Variants in TOX2 observed in about 807,000 individuals in gnomAD.
TOX2 encodes TOX high mobility group box family member 2, also known as granulosa cell HMG box 1.
Under a neutral mutation model 47.4 loss-of-function variants are expected in TOX2, and 15 were observed. The ratio of observed to expected loss-of-function variants is 0.32; its 90% CI spans 0.21 to 0.49. The LOEUF (loss-of-function observed/expected upper bound fraction) is 0.49, where lower values mean the gene tolerates loss of function less well. Among genes scored for constraint, TOX2 ranks in the 20% least tolerant of loss-of-function variants. TOX2 has a pLI of 0.99. For synonymous variants in TOX2, 290 were observed against 296.6 expected (o/e 0.98, Z 0.23); for missense variants, 622 against 673.1 (o/e 0.92, Z 0.84).
At chr20:44,033,560 T>C (rs943404388) in intron 3 of TOX2, among the ~76,000 whole-genome samples, 9 of 151,956 alleles carry the variant, frequency 5.9e-5, no homozygotes, top group African/African-American at 2.2e-4. Context: ...CAGAAGTACT[T>C]ACAAGAGGGA....
chr20:43,947,360 C>T (rs141002361), intron 1 of TOX2, among the ~76,000 whole-genome samples: 69 of 152,322 alleles, frequency 4.5e-4, no homozygotes, highest in South Asian at 2.7e-3. Flanking sequence ...CACACATGCA[C>T]GTGTGCACAC....
intron 5 of TOX2, among the ~76,000 whole-genome samples, chr20:44,062,391 T>C (rs1291033443): frequency 6.7e-6 from 1 of 148,374 alleles, no homozygotes; most frequent in African/African-American, 2.5e-5. Flanking sequence ...AATAAATAAA[T>C]AAATAAATAA....
intron 3 of TOX2, among the ~76,000 whole-genome samples, chr20:44,016,633 G>T (rs951365878): frequency 1.3e-5 from 2 of 152,086 alleles, no homozygotes; most frequent in Non-Finnish European, 2.9e-5. Flanking sequence ...AACGAAAAAT[G>T]TCTCTAGACC....
Position 44,022,642 on chromosome 20 carries a change from G to A in TOX2, c.411+15850G>A, listed in dbSNP as rs116291486. Among the ~76,000 whole-genome samples the A allele has an allele frequency of 2.2e-3, 339 of 152,330 alleles. 1 individual carries two copies. The highest frequency in any genetic ancestry group is 7.9e-3 in the African/African-American group (327 of 41,570). On this transcript the variant is annotated intron_variant, in intron 3 of 8. Coordinates refer to ENST00000341197, the MANE Select transcript of TOX2 (RefSeq NM_001098797.2). The stretch of plus-strand genomic sequence containing the variant: ...CTTATTGTGGCCACAGTCACTGTGA[G>A]CCTGTGAGTGTATCCCTGCCCTGTG...
intron 3 of TOX2, among the ~76,000 whole-genome samples, chr20:44,033,150 G>A (rs2071183303): frequency 6.6e-6 from 1 of 152,206 alleles, no homozygotes; most frequent in Non-Finnish European, 1.5e-5. Flanking sequence ...AAGCATGAAA[G>A]TGTATTAGCA....
intron 2 of TOX2, among the ~76,000 whole-genome samples, chr20:43,990,864 G>C (rs998162038): frequency 7.2e-5 from 11 of 152,064 alleles, no homozygotes; most frequent in African/African-American, 2.7e-4. Flanking sequence ...ACATTTTTAG[G>C]CAATGCTACT....
At chr20:43,920,204 A>G (rs1298905098) in intron 1 of TOX2, among the ~76,000 whole-genome samples, 1 of 152,230 alleles carries the variant, frequency 6.6e-6, no homozygotes, top group African/African-American at 2.4e-5. Flanking sequence ...CTCAGTAAAT[A>G]TGTGCTGGTG....
intron 1 of TOX2, chr20:43,946,084 C>T: frequency 1.2e-6 from 2 of 1,607,206 alleles, no homozygotes; most frequent in East Asian, 2.2e-5. Context: ...GGTGGTCAGG[C>T]CGTCACTGTG....
intron 2 of TOX2, among the ~76,000 whole-genome samples, chr20:44,002,419 C>T (rs139921512): frequency 2.6e-5 from 4 of 152,318 alleles, no homozygotes; most frequent in East Asian, 1.9e-4. Context: ...CAATAACTAA[C>T]GCTGACATCA....
At chr20:44,017,778 CAG>C (rs1388141960) in intron 3 of TOX2, among the ~76,000 whole-genome samples, 1 of 152,144 alleles carries the variant, frequency 6.6e-6, no homozygotes, top group Non-Finnish European at 1.5e-5. Context: ...GATGAGAAAA[CAG>C]AGGCACAGAG....
At chr20:43,999,003 A>C (rs536663880) in intron 2 of TOX2, among the ~76,000 whole-genome samples, 4 of 151,966 alleles carry the variant, frequency 2.6e-5, no homozygotes, top group Non-Finnish European at 5.9e-5. Flanking sequence ...GAGGTGATCT[A>C]CCCACCTTGG....
intron 1 of TOX2, among the ~76,000 whole-genome samples, chr20:43,948,758 A>G (rs903561728): frequency 1.3e-5 from 2 of 152,160 alleles, no homozygotes; most frequent in African/African-American, 4.8e-5. Context: ...TGAAATATAG[A>G]TGGGGAGATG....
intron 2 of TOX2, among the ~76,000 whole-genome samples, chr20:43,991,418 G>A (rs1465398810): frequency 3.3e-5 from 5 of 152,136 alleles, no homozygotes; most frequent in Non-Finnish European, 7.3e-5. Flanking sequence ...TGTGCGTCAG[G>A]CAGTGGTGTA....
intron 5 of TOX2, among the ~76,000 whole-genome samples, chr20:44,055,825 G>A (rs1349894741): frequency 6.6e-6 from 1 of 152,172 alleles, no homozygotes; most frequent in Non-Finnish European, 1.5e-5. Flanking sequence ...GTCACTGGAT[G>A]GGAAATATGG....
At position 44,020,774 on chromosome 20, in the gene TOX2, T is replaced by C. The variant is rs144903021; in HGVS notation, c.411+13982T>C. Among the ~76,000 whole-genome samples the C allele has an allele frequency of 2.0e-5, 3 of 152,310 alleles. No individual in the cohort carries two copies. In the East Asian group the frequency reaches 5.8e-4, roughly 29 times the overall value. On this transcript the variant is annotated intron_variant, in intron 3 of 8. Transcript: ENST00000341197. ...AATGCCAGCCCAGAACACTAGGCTG[T>C]GGTCATCCTCAGTTGAGCCCTGAAT...
At chr20:43,942,116 C>T (rs939618450) in intron 1 of TOX2, among the ~76,000 whole-genome samples, 3 of 152,280 alleles carry the variant, frequency 2.0e-5, no homozygotes, top group Admixed American at 2.0e-4. Context: ...ATGAGATCAT[C>T]AAAGCACAGT....
At chr20:43,943,659 T>G (rs969205665) in intron 1 of TOX2, among the ~76,000 whole-genome samples, 2 of 152,126 alleles carry the variant, frequency 1.3e-5, no homozygotes, top group African/African-American at 2.4e-5. Flanking sequence ...AAAAAAAAAG[T>G]TTTTTCAGTG....
intron 5 of TOX2, among the ~76,000 whole-genome samples, chr20:44,055,430 G>A (rs1170110621): frequency 6.6e-6 from 1 of 152,166 alleles, no homozygotes. Flanking sequence ...TTCCAGACAG[G>A]GAGGCCTGGT....
At chr20:43,917,534 A>T (rs2069071168) in intron 1 of TOX2, among the ~76,000 whole-genome samples, 1 of 152,164 alleles carries the variant, frequency 6.6e-6, no homozygotes, top group East Asian at 1.9e-4. Flanking sequence ...CTTTATATAC[A>T]TAAGGGCAAG....
Sources: gnomAD v4.1 joint callset for allele counts (sites outside exome capture counted in the v4.1 genomes callset) on GRCh38, gnomAD v4.1.1 for gene constraint, MANE v1.5 for transcripts, NCBI Gene and HGNC (gene_info 2026-07-23, HGNC 2026-07-21) for gene names.